The following COL12A1 variants were observed in gnomAD, a reference collection of about 807,000 sequenced individuals.
The protein encoded by COL12A1 is collagen type XII alpha 1 chain.
Under a neutral mutation model 349.7 loss-of-function variants are expected in COL12A1, and 114 were observed. That is an observed-to-expected ratio of 0.33 (90% confidence interval 0.28 to 0.38). COL12A1 has a LOEUF of 0.38. Ranked by LOEUF, COL12A1 falls within the 10% of genes least tolerant of loss-of-function variation. COL12A1 has a pLI of 1.00. For missense variants in COL12A1, 3,284 were observed against 3,756.9 expected (o/e 0.87, Z 3.29); for synonymous variants, 1,369 against 1,329.0 (o/e 1.03, Z -0.66).
In COL12A1 at chr6:75,183,970, A is replaced by G; in HGVS notation, c.1172T>C (p.Val391Ala). 1 of 1,614,198 alleles carries G rather than the reference A, an allele frequency of 6.2e-7. No homozygotes were observed. The highest frequency in any genetic ancestry group is 8.5e-7 in the Non-Finnish European group (1 of 1,180,032). The change falls in exon 9 of 66, where the codon GTT becomes GCT. Residue 391 changes from valine (V) to alanine (A), a missense_variant. By Grantham distance (64) the Val-to-Ala change is moderately conservative (BLOSUM62 0). Coordinates refer to ENST00000322507, the MANE Select transcript of COL12A1 (RefSeq NM_004370.6). The stretch of plus-strand genomic sequence containing the variant: ...TTCTGTGTCTGCTGAGAGGTCGCGA[A>G]CACTGAGCGTGGTTGTCTGAGGCCC... ...SVGPQTTTLS[V>A]RDLSADTEYQ...
intron 7 of COL12A1, among the ~76,000 whole-genome samples, chr6:75,188,823 G>A (rs1177354832): frequency 6.6e-6 from 1 of 152,092 alleles, no homozygotes; most frequent in Non-Finnish European, 1.5e-5. Flanking sequence ...CATCTGTAAA[G>A]ATAATACTTT....
At chr6:75,160,076 G>T (rs527343196) in intron 14 of COL12A1, among the ~76,000 whole-genome samples, 5 of 150,940 alleles carry the variant, frequency 3.3e-5, no homozygotes, top group African/African-American at 9.7e-5. Context: ...AAAAACCCTT[G>T]TTGGTTTCCC....
chr6:75,177,144 T>A (rs1180196063), intron 12 of COL12A1, among the ~76,000 whole-genome samples: 3 of 152,182 alleles, frequency 2.0e-5, no homozygotes, highest in Non-Finnish European at 2.9e-5. Context: ...ATTTAAATTC[T>A]ATTGACACAA....
rs768623739 is a variant in COL12A1, at chr6:75,152,417, C to T, written c.3631G>A (p.Gly1211Ser). The change falls in exon 18 of 66, where the codon GGC (glycine) becomes AGC (serine). Residue 1211 changes from glycine to serine, a missense_variant. Physicochemically the swap from Gly to Ser is moderately conservative, Grantham distance 56 (BLOSUM62 0). Coordinates refer to ENST00000322507, the MANE Select transcript of COL12A1 (RefSeq NM_004370.6). ...VLLVDGSWSI[G>S]RANFRTVRSF... is the part of the protein sequence containing the mutation. ...CTCACGGTTCTAAAATTTGCCCGGC[C>T]GATGCTCCATGATCCATCCACCAGC... 2.5e-6 allele frequency: 4 copies of T among 1,613,636 alleles called. No homozygotes were observed. The highest frequency in any genetic ancestry group is 1.1e-5 in the South Asian group (1 of 91,074).
intron 4 of COL12A1, 120 bp from the exon 5 acceptor site, chr6:75,191,880 G>T: frequency 1.8e-6 from 1 of 547,584 alleles, no homozygotes; most frequent in Non-Finnish European, 2.9e-6. Context: ...GCTCTGCCCA[G>T]CTGGTCATAG....
At position 75,145,474 on chromosome 6, in the gene COL12A1, A is replaced by G; in HGVS notation, c.4561-19T>C. 6.2e-7 allele frequency: 1 copy of G among 1,607,308 alleles called. No homozygotes were observed. ...AACGCACCTGCACATGGATATGTGG[A>G]GCAGAAATAAGATATTCAAATCAAA... On this transcript the variant is annotated intron_variant, in intron 24 of 65. Transcript: ENST00000322507.
rs780058273 is a variant in COL12A1, at chr6:75,130,221, C to G, written c.6080G>C (p.Gly2027Ala). The G allele has an allele frequency of 6.2e-7, 1 of 1,613,776 alleles. No homozygotes were observed. Among genetic ancestry groups the G allele is most frequent in the South Asian group, 1.1e-5 (1 of 91,034 alleles). ...PAQGRTLPRS[G>A]PRNLRVFGET... ...ACCAAAGACTCTCAGGTTCCTTGGT[C>G]CACTGCGTGGTACTAAATAAATAAA... The change falls in exon 37 of 66, where the codon GGA (glycine) becomes GCA (alanine). Residue 2027 changes from glycine (G) to alanine (A), a missense_variant. Gly to Ala is a moderately conservative substitution (Grantham distance 60). This residue lies in a region of COL12A1 where 2,601 missense variants were observed against 2,824.8 expected (regional missense o/e 0.92). Transcript: ENST00000322507.
At chr6:75,136,160 C>G (rs1347729504) in intron 31 of COL12A1, among the ~76,000 whole-genome samples, 1 of 152,114 alleles carries the variant, frequency 6.6e-6, no homozygotes, top group African/African-American at 2.4e-5. Context: ...ATGCTAAGAA[C>G]AAGCTTCTCC....
chr6:75,162,239 G>C (rs916332129), intron 14 of COL12A1, among the ~76,000 whole-genome samples: 2 of 152,108 alleles, frequency 1.3e-5, no homozygotes, highest in African/African-American at 4.8e-5. Context: ...CAAGCTACCT[G>C]AATTCAAACT....
At chr6:75,197,778 T>C (rs763601278) in intron 2 of COL12A1, among the ~76,000 whole-genome samples, 1 of 152,198 alleles carries the variant, frequency 6.6e-6, no homozygotes, top group Non-Finnish European at 1.5e-5. Context: ...GAGACTAAAA[T>C]TTTAAGTATT....
chr6:75,137,989 A>G (rs765247596), intron 30 of COL12A1, among the ~76,000 whole-genome samples: 1 of 152,000 alleles, frequency 6.6e-6, no homozygotes, highest in Non-Finnish European at 1.5e-5. Flanking sequence ...GGCTAGCTAT[A>G]AGCTGGGAGG....
chr6:75,154,405 C>G lies in COL12A1; in HGVS notation c.3565+11G>C. The G allele has an allele frequency of 6.2e-7, 1 of 1,607,572 alleles. No homozygotes were observed. The highest frequency in any genetic ancestry group is 8.5e-7 in the Non-Finnish European group (1 of 1,176,130). On this transcript the variant is annotated intron_variant, in intron 17 of 65. Transcript: ENST00000322507. ...GTTGTTTTCCTCAAGGAATGTAACTCAATTTCTTACCAGAAGATAAAATTG... is the reference window on the plus strand; with the variant it reads ...GTTGTTTTCCTCAAGGAATGTAACTGAATTTCTTACCAGAAGATAAAATTG...
chr6:75,137,776 G>A (rs781042276), intron 30 of COL12A1, among the ~76,000 whole-genome samples, 197 bp from the exon 31 acceptor site: 7 of 152,038 alleles, frequency 4.6e-5, no homozygotes, highest in Non-Finnish European at 7.4e-5. Flanking sequence ...CCCTGCAAAC[G>A]TGACATGTTG....
chr6:75,118,106 GA>G (rs999379230), intron 46 of COL12A1, among the ~76,000 whole-genome samples: 5 of 151,708 alleles, frequency 3.3e-5, no homozygotes, highest in Non-Finnish European at 5.9e-5. Context: ...GACATCAGGG[GA>G]AAAAAAGCTA....
chr6:75,141,025 A>C lies in COL12A1; in HGVS notation c.4957+1007T>G, dbSNP rs578103926. On this transcript the variant is annotated intron_variant, in intron 27 of 65. Coordinates refer to ENST00000322507, the MANE Select transcript of COL12A1 (RefSeq NM_004370.6). ...TGTCTCGTTAATAATTATTGTACTG[A>C]TAGCTGTTGAAATTATAATGGATAT... Among the ~76,000 whole-genome samples, 7 of 152,330 alleles carry C rather than the reference A, an allele frequency of 4.6e-5. No homozygotes were observed. The East Asian group carries it at 9.6e-4, about 21-fold the overall frequency.
chr6:75,130,583 G>A (rs889123834), intron 36 of COL12A1, among the ~76,000 whole-genome samples: 19 of 151,882 alleles, frequency 1.3e-4, no homozygotes, highest in African/African-American at 4.6e-4. Flanking sequence ...GTAGAAAGAG[G>A]GAAAAAAAGA....
intron 14 of COL12A1, among the ~76,000 whole-genome samples, chr6:75,157,952 C>T (rs1767842595): frequency 6.6e-6 from 1 of 152,090 alleles, no homozygotes; most frequent in Non-Finnish European, 1.5e-5. Flanking sequence ...TAAACTGAAA[C>T]AGTTTAAAAG....
At chr6:75,171,683 G>A (rs1768641246) in intron 13 of COL12A1, among the ~76,000 whole-genome samples, 1 of 152,174 alleles carries the variant, frequency 6.6e-6, no homozygotes, top group South Asian at 2.1e-4. Context: ...CTCAAAAGCA[G>A]TTGCCTGGCT....
At chr6:75,152,091 G>A in intron 19 of COL12A1, 40 bp downstream of exon 19, 2 of 1,613,690 alleles carry the variant, frequency 1.2e-6, no homozygotes, top group Non-Finnish European at 1.7e-6. Flanking sequence ...ACCTTAACCA[G>A]AAGCATGAGC....
Sources: allele counts gnomAD v4.1 joint callset (sites outside exome capture counted in the v4.1 genomes callset), GRCh38; gene constraint gnomAD v4.1.1; regional missense constraint gnomAD v4.1.1; transcripts MANE v1.5; gene names NCBI Gene and HGNC (gene_info 2026-07-23, HGNC 2026-07-21).